Variants in ARHGAP10 observed in about 807,000 individuals in gnomAD.
The protein encoded by ARHGAP10 is Rho GTPase activating protein 10.
Under a neutral mutation model 108.6 loss-of-function variants are expected in ARHGAP10, and 87 were observed. That is an observed-to-expected ratio of 0.80 (90% CI 0.67 to 0.96). ARHGAP10 has a LOEUF of 0.96. ARHGAP10 is among the 40% of genes least tolerant of loss of function. The pLI, the probability that ARHGAP10 is intolerant of heterozygous loss-of-function variation, is 0.00. For missense variants in ARHGAP10, 939 were observed against 954.5 expected (o/e 0.98, Z 0.21); for synonymous variants, 347 against 341.1 (o/e 1.02, Z -0.19).
At chr4:148,026,257 A>G (rs957981722) in intron 19 of ARHGAP10, among the ~76,000 whole-genome samples, 3 of 152,220 alleles carry the variant, frequency 2.0e-5, no homozygotes, top group Non-Finnish European at 4.4e-5. Flanking sequence ...GTTTCAGTTC[A>G]GCATCAGGCA....
intron 1 of ARHGAP10, among the ~76,000 whole-genome samples, chr4:147,759,591 C>A (rs1043742868): frequency 1.6e-4 from 24 of 148,130 alleles, no homozygotes; most frequent in Admixed American, 8.7e-4. Flanking sequence ...CCCCCCCCCC[C>A]CTTTAAAAAG....
Position 147,995,622 on chromosome 4 carries a change from C to CA in ARHGAP10, c.1717-27640dup, listed in dbSNP as rs563074874. ...TTGTCAGCCTTACAATACAGACCAC[C>CA]AGTAGGTTAGAAGAAAAAATAATAA... is the stretch of plus-strand genomic sequence containing the variant. On this transcript the variant is annotated intron_variant, in intron 18 of 22. Coordinates refer to ENST00000336498, the MANE Select transcript of ARHGAP10 (RefSeq NM_024605.4). Among the ~76,000 whole-genome samples, 530 of 152,252 alleles carry CA rather than the reference C, an allele frequency of 3.5e-3. 3 individuals carry two copies. Among genetic ancestry groups the CA allele is most frequent in the African/African-American group, 0.012 (510 of 41,544 alleles).
At chr4:148,019,314 A>G (rs890111582) in intron 18 of ARHGAP10, among the ~76,000 whole-genome samples, 1 of 152,252 alleles carries the variant, frequency 6.6e-6, no homozygotes, top group Non-Finnish European at 1.5e-5. Context: ...TATGAATACA[A>G]ATAGCTACTA....
chr4:147,851,253 TA>T (rs201834793), intron 4 of ARHGAP10, among the ~76,000 whole-genome samples: 1,684 of 90,492 alleles, frequency 0.019, 20 homozygotes, highest in Middle Eastern at 0.056. Context: ...CTATGACTAA[TA>T]ATTTTTTTTT....
chr4:147,970,226 T>G (rs932570384), intron 18 of ARHGAP10, among the ~76,000 whole-genome samples: 1 of 152,150 alleles, frequency 6.6e-6, no homozygotes, highest in Non-Finnish European at 1.5e-5. Flanking sequence ...GATGCGTGGA[T>G]CTATGTTAGC....
At chr4:147,974,437 A>G (rs748181249) in intron 18 of ARHGAP10, among the ~76,000 whole-genome samples, 12 of 152,186 alleles carry the variant, frequency 7.9e-5, no homozygotes, top group Admixed American at 3.3e-4. Flanking sequence ...CAAAGATCAT[A>G]TTAATCAGGG....
intron 19 of ARHGAP10, among the ~76,000 whole-genome samples, chr4:148,030,871 GA>G (rs58943146): frequency 0.14 from 20,538 of 144,710 alleles, 2,358 homozygotes; most frequent in African/African-American, 0.32. Context: ...AGAAAAAAAA[GA>G]AAAAAAAAAA....
intron 3 of ARHGAP10, among the ~76,000 whole-genome samples, chr4:147,839,078 T>C (rs1171618779): frequency 1.3e-5 from 2 of 151,770 alleles, no homozygotes; most frequent in Non-Finnish European, 2.9e-5. Flanking sequence ...GATTCCTTTA[T>C]GTTTAGATCT....
At chr4:147,978,761 A>C (rs1272438543) in intron 18 of ARHGAP10, among the ~76,000 whole-genome samples, 1 of 152,118 alleles carries the variant, frequency 6.6e-6, no homozygotes, top group African/African-American at 2.4e-5. Context: ...AGAATGGCCT[A>C]ATACAGATGG....
intron 12 of ARHGAP10, among the ~76,000 whole-genome samples, chr4:147,910,977 C>T (rs1736705862): frequency 6.6e-6 from 1 of 152,014 alleles, no homozygotes; most frequent in African/African-American, 2.4e-5. Flanking sequence ...TTCTTTTCTT[C>T]TTCTGACACC....
intron 1 of ARHGAP10, among the ~76,000 whole-genome samples, chr4:147,810,759 C>A (rs1004273595): frequency 3.3e-5 from 5 of 152,176 alleles, no homozygotes; most frequent in African/African-American, 7.2e-5. Flanking sequence ...CAGTGACTGT[C>A]CCATCTTTTA....
In ARHGAP10 at chr4:147,912,265, C is replaced by T. The variant is rs188463773; in HGVS notation, c.1163-809C>T. ...CTAAATATATGAAATTCCTTCCAGG[C>T]ACAGTGGCTCACACCTGTAATCCCA... On this transcript the variant is annotated intron_variant, in intron 12 of 22. Coordinates refer to ENST00000336498, the MANE Select transcript of ARHGAP10 (RefSeq NM_024605.4). Among the ~76,000 whole-genome samples, 11 of 151,864 alleles carry T rather than the reference C, an allele frequency of 7.2e-5. No homozygotes were observed. The East Asian group carries it at 2.1e-3, about 29-fold the overall frequency.
chr4:147,948,783 C>T (rs959808146), intron 15 of ARHGAP10, among the ~76,000 whole-genome samples: 7 of 151,346 alleles, frequency 4.6e-5, no homozygotes, highest in Non-Finnish European at 1.0e-4. Flanking sequence ...GGTGAAACCC[C>T]GTCTCTACTA....
At chr4:147,789,894 C>T (rs1024842601) in intron 1 of ARHGAP10, among the ~76,000 whole-genome samples, 1 of 152,064 alleles carries the variant, frequency 6.6e-6, no homozygotes, top group Non-Finnish European at 1.5e-5. Context: ...CATCAGCTCC[C>T]CAAGGCAGGG....
intron 1 of ARHGAP10, among the ~76,000 whole-genome samples, chr4:147,762,730 C>A (rs1729642311): frequency 1.3e-5 from 2 of 151,664 alleles, no homozygotes; most frequent in African/African-American, 4.8e-5. Context: ...ATGGGTTTCA[C>A]CGTGCTAGCC....
At chr4:148,021,525 A>G (rs758641361) in intron 18 of ARHGAP10, among the ~76,000 whole-genome samples, 11 of 152,226 alleles carry the variant, frequency 7.2e-5, no homozygotes, top group Non-Finnish European at 1.0e-4. Flanking sequence ...CATCAAACAT[A>G]TTAGTAGGTA....
intron 6 of ARHGAP10, 70 bp downstream of exon 6, chr4:147,865,026 G>A (rs1278888355): frequency 4.4e-6 from 6 of 1,361,672 alleles, no homozygotes; most frequent in Non-Finnish European, 2.1e-6. Flanking sequence ...TCCTAGATCT[G>A]ATTTATGGTT....
chr4:147,801,875 T>G (rs1731596416), intron 1 of ARHGAP10, among the ~76,000 whole-genome samples: 1 of 152,174 alleles, frequency 6.6e-6, no homozygotes, highest in South Asian at 2.1e-4. Context: ...TGTTAAGTTG[T>G]TTGTAATGTT....
intron 19 of ARHGAP10, among the ~76,000 whole-genome samples, chr4:148,023,866 C>T (rs1741666549): frequency 6.6e-6 from 1 of 152,244 alleles, no homozygotes; most frequent in Non-Finnish European, 1.5e-5. Flanking sequence ...GTTCATCAGG[C>T]AGAATGCTTC....
Sources: allele counts gnomAD v4.1 joint callset (sites outside exome capture counted in the v4.1 genomes callset), GRCh38; gene constraint gnomAD v4.1.1; transcripts MANE v1.5; gene names NCBI Gene and HGNC (gene_info 2026-07-23, HGNC 2026-07-21).